The following GADL1 variants were observed in gnomAD, a reference collection of about 807,000 sequenced individuals.
The protein encoded by GADL1 is GAD like acidic amino acid decarboxylase 1, also known as acidic amino acid decarboxylase GADL1.
Under a neutral mutation model 69.5 loss-of-function variants are expected in GADL1, and 71 were observed. That is an observed-to-expected ratio of 1.02 (90% CI 0.84 to 1.25). The LOEUF is 1.25. Ranked by LOEUF, GADL1 falls within the 50% of genes most tolerant of loss-of-function variation. GADL1 has a pLI of 0.00. For missense variants in GADL1, 737 were observed against 631.8 expected (o/e 1.17, Z -1.79); for synonymous variants, 254 against 214.4 (o/e 1.18, Z -1.62).
chr3:30,783,625 C>G (rs1156766732), intron 13 of GADL1, among the ~76,000 whole-genome samples: 4 of 141,890 alleles, frequency 2.8e-5, no homozygotes, highest in Non-Finnish European at 4.8e-5. Context: ...GGGTCTAATT[C>G]TGCTTTATTC....
intron 12 of GADL1, 43 bp from the exon 13 acceptor site, chr3:30,786,449 A>G: frequency 9.7e-7 from 1 of 1,025,954 alleles, no homozygotes; most frequent in Non-Finnish European, 1.5e-6. Flanking sequence ...CTGCAATGTA[A>G]AAGTGTCATG....
At chr3:30,824,586 T>C (rs1697651710) in intron 11 of GADL1, among the ~76,000 whole-genome samples, 1 of 151,676 alleles carries the variant, frequency 6.6e-6, no homozygotes, top group East Asian at 1.9e-4. Flanking sequence ...TATATTCACA[T>C]AGAATAGTAT....
chr3:30,734,494 T>A (rs1292744464), intron 14 of GADL1, among the ~76,000 whole-genome samples: 1 of 152,184 alleles, frequency 6.6e-6, no homozygotes, highest in African/African-American at 2.4e-5. Flanking sequence ...TCCTCTAGTG[T>A]GTAACCTCCA....
chr3:30,843,417 G>A (rs1210203944), intron 8 of GADL1, among the ~76,000 whole-genome samples: 2 of 151,986 alleles, frequency 1.3e-5, no homozygotes, highest in Non-Finnish European at 2.9e-5. Context: ...CACCACGCCC[G>A]GCGAATATTT....
At chr3:30,834,100 GTTGT>G (rs1334140505) in intron 10 of GADL1, 113 bp downstream of exon 10, 12 of 1,021,550 alleles carry the variant, frequency 1.2e-5, no homozygotes, top group Non-Finnish European at 1.8e-5. Context: ...ATTTTTTGTT[GTTGT>G]TTATTTAAGG....
intron 14 of GADL1, among the ~76,000 whole-genome samples, chr3:30,767,453 AAT>A (rs909676844): frequency 1.5e-4 from 23 of 152,290 alleles, no homozygotes; most frequent in African/African-American, 3.4e-4. Flanking sequence ...GGAAAACTGA[AAT>A]AGTTTTTAAA....
At chr3:30,849,026 T>TTCTGA (rs1698101408) in intron 6 of GADL1, among the ~76,000 whole-genome samples, 1 of 152,134 alleles carries the variant, frequency 6.6e-6, no homozygotes, top group African/African-American at 2.4e-5. Context: ...GAAGTAACAA[T>TTCTGA]GGCCAGTTCT....
chr3:30,761,721 C>CAG (rs80045726), intron 14 of GADL1, among the ~76,000 whole-genome samples: 63,336 of 151,624 alleles, frequency 0.42, 13,233 homozygotes, highest in Non-Finnish European at 0.43. Context: ...GGGAAGTAGA[C>CAG]AAAGTAACAT....
At chr3:30,845,843 G>T (rs1308185114) in intron 6 of GADL1, among the ~76,000 whole-genome samples, 1 of 152,070 alleles carries the variant, frequency 6.6e-6, no homozygotes, top group Non-Finnish European at 1.5e-5. Flanking sequence ...CAACCAAACA[G>T]CTATTGATTT....
chr3:30,763,236 C>T (rs574794466), intron 14 of GADL1, among the ~76,000 whole-genome samples: 5 of 152,222 alleles, frequency 3.3e-5, no homozygotes, highest in Non-Finnish European at 4.4e-5. Context: ...CAGTGGCTCA[C>T]GCCTGTAATC....
At chr3:30,758,075 C>G (rs1218121240) in intron 14 of GADL1, among the ~76,000 whole-genome samples, 1 of 152,180 alleles carries the variant, frequency 6.6e-6, no homozygotes, top group Non-Finnish European at 1.5e-5. Context: ...GCCCCAAAAG[C>G]TTCATAGCTT....
At chr3:30,825,238 T>A (rs1697663438) in intron 11 of GADL1, among the ~76,000 whole-genome samples, 1 of 151,966 alleles carries the variant, frequency 6.6e-6, no homozygotes, top group Non-Finnish European at 1.5e-5. Flanking sequence ...ACTTAAAAAA[T>A]AAGCTTGCTA....
At chr3:30,740,984 TTATATATTATATATTAA>T (rs1190209041) in intron 14 of GADL1, among the ~76,000 whole-genome samples, 1 of 126,546 alleles carries the variant, frequency 7.9e-6, no homozygotes, top group Non-Finnish European at 1.6e-5. Flanking sequence ...TTAATATATA[TTATATATTATATATTAA>T]TATATATTAT....
At chr3:30,835,214 C>A (rs1359676143) in intron 9 of GADL1, among the ~76,000 whole-genome samples, 1 of 152,002 alleles carries the variant, frequency 6.6e-6, no homozygotes, top group African/African-American at 2.4e-5. Context: ...GTCATGTTAA[C>A]ATCATTACTT....
At position 30,894,572 on chromosome 3, in the gene GADL1, C is replaced by A. The variant is rs530491748; in HGVS notation, c.37+6G>T. The A allele has an allele frequency of 6.5e-7, 1 of 1,549,452 alleles. No homozygotes were observed. Among genetic ancestry groups the A allele is most frequent in the Admixed American group, 2.0e-5 (1 of 50,894 alleles). On this transcript the variant is annotated splice_donor_region_variant and intron_variant, in intron 1 of 14. Coordinates refer to ENST00000282538, the MANE Select transcript of GADL1 (RefSeq NM_207359.3). ...GACAAAAACCGCAGCCGCGCTGAGT[C>A]GTTACCGTCCACAGGACACTGGCGG...
chr3:30,864,480 TA>T (rs960025036), intron 1 of GADL1, among the ~76,000 whole-genome samples: 16 of 151,622 alleles, frequency 1.1e-4, no homozygotes, highest in Admixed American at 6.6e-4. Context: ...ACCAATGAAT[TA>T]AAAAAAATCC....
intron 14 of GADL1, among the ~76,000 whole-genome samples, chr3:30,774,646 TTA>T (rs549615509): frequency 6.3e-4 from 96 of 152,336 alleles, no homozygotes; most frequent in African/African-American, 2.2e-3. Flanking sequence ...AAAACTTTTC[TTA>T]TAAACTTTCT....
intron 9 of GADL1, among the ~76,000 whole-genome samples, chr3:30,838,108 G>T (rs1697902889): frequency 6.6e-6 from 1 of 152,008 alleles, no homozygotes; most frequent in Non-Finnish European, 1.5e-5. Flanking sequence ...GTTTCCTTTT[G>T]TTCAGCAAGT....
intron 4 of GADL1, 82 bp from the exon 5 acceptor site, chr3:30,851,023 T>C: frequency 2.5e-6 from 2 of 796,020 alleles, no homozygotes; most frequent in Non-Finnish European, 4.0e-6. Context: ...CACAGAGTTC[T>C]ATTAAACCAA....
Sources: gnomAD v4.1 joint callset for allele counts (sites outside exome capture counted in the v4.1 genomes callset) on GRCh38, gnomAD v4.1.1 for gene constraint, MANE v1.5 for transcripts, NCBI Gene and HGNC (gene_info 2026-07-23, HGNC 2026-07-21) for gene names.